RNF216: variants seen among roughly 807,000 people sequenced by gnomAD.
RNF216 encodes E3 ubiquitin-protein ligase RNF216.
In RNF216, 72 loss-of-function variants were observed where a neutral mutation model predicts 110.8. The observed-to-expected ratio is 0.65, with a 90% CI of 0.54 to 0.79. RNF216 has a LOEUF of 0.79. RNF216 is among the 30% of genes least tolerant of loss of function. The pLI is 0.00. For missense variants in RNF216, 1,342 were observed against 1,141.2 expected, an observed-to-expected ratio of 1.18 and a Z score of -2.54; for synonymous variants, 495 against 407.5, an observed-to-expected ratio of 1.21 and a Z score of -2.59.
At chr7:5,625,870 C>T (rs1439809983) in intron 15 of RNF216, among the ~76,000 whole-genome samples, 1 of 152,252 alleles carries the variant, frequency 6.6e-6, no homozygotes, top group Non-Finnish European at 1.5e-5. Context: ...AATTCTCCTA[C>T]ATTCTCTAGG....
intron 13 of RNF216, among the ~76,000 whole-genome samples, chr7:5,702,104 C>G (rs1562406610): frequency 6.6e-6 from 1 of 152,200 alleles, no homozygotes; most frequent in Non-Finnish European, 1.5e-5. Flanking sequence ...TGACTCTAGA[C>G]TTCCTTGGCT....
intron 1 of RNF216, among the ~76,000 whole-genome samples, chr7:5,761,640 G>T (rs549558236): frequency 2.0e-5 from 3 of 152,242 alleles, no homozygotes; most frequent in Admixed American, 2.0e-4. Context: ...ACAAAAATTA[G>T]CTGGGCGTGG....
intron 2 of RNF216, among the ~76,000 whole-genome samples, chr7:5,757,050 A>G (rs150842751): frequency 1.8e-4 from 28 of 152,314 alleles, no homozygotes; most frequent in African/African-American, 6.0e-4. Flanking sequence ...GTAATTCAAA[A>G]TATCTTCTAA....
chr7:5,638,450 G>A (rs1202813166), intron 15 of RNF216, among the ~76,000 whole-genome samples: 1 of 152,056 alleles, frequency 6.6e-6, no homozygotes, highest in Non-Finnish European at 1.5e-5. Context: ...TCAAGTACAC[G>A]CACTACATCT....
In RNF216 at chr7:5,622,684, T is replaced by A. The variant is rs1018593468; in HGVS notation, c.*176A>T. The A allele has an allele frequency of 6.6e-5, 42 of 640,218 alleles. No individual in the cohort carries two copies. The highest frequency in any genetic ancestry group is 1.1e-4 in the Non-Finnish European group (41 of 372,272). The allele number at this position is 640,218 out of a possible 1,614,324, so 39.7% of individuals were successfully genotyped here. On this transcript the variant is annotated 3_prime_UTR_variant, in exon 17 of 17. Coordinates refer to ENST00000389902, the MANE Select transcript of RNF216 (RefSeq NM_207111.4). ...CCATTTGGGACGTCTTTATTATGGATCCGTCCACTCTTCCAGGAGCAGTAG... is the reference window on the plus strand; with the variant it reads ...CCATTTGGGACGTCTTTATTATGGAACCGTCCACTCTTCCAGGAGCAGTAG...
rs973220090 is a variant in RNF216, at chr7:5,714,945, G to A, written c.1833+108C>T. On this transcript the variant is annotated intron_variant, in intron 11 of 16. Coordinates refer to ENST00000389902, the MANE Select transcript of RNF216 (RefSeq NM_207111.4). ...TAATGTACACATAAGCATACCAGCA[G>A]AACTCCACCTCACCCTCAAAGAGGC... is the stretch of plus-strand genomic sequence containing the variant. 14 of 988,710 alleles carry A rather than the reference G, an allele frequency of 1.4e-5. 1 individual carries two copies. The South Asian group carries it at 2.2e-4, about 16-fold the overall frequency. The allele number at this position is 988,710 out of a possible 1,614,324, so 61.2% of individuals were successfully genotyped here.
intron 1 of RNF216, among the ~76,000 whole-genome samples, chr7:5,762,651 C>T (rs1453889155): frequency 2.0e-5 from 3 of 151,756 alleles, no homozygotes; most frequent in Non-Finnish European, 4.4e-5. Context: ...GAGATCACAC[C>T]ACTGCACTCC....
chr7:5,629,926 G>A (rs1246073978), intron 15 of RNF216, among the ~76,000 whole-genome samples: 1 of 152,052 alleles, frequency 6.6e-6, no homozygotes, highest in African/African-American at 2.4e-5. Context: ...CTTGGACTTG[G>A]GATAAGTGAC....
chr7:5,682,917 T>C (rs1428866485), intron 13 of RNF216, among the ~76,000 whole-genome samples: 1 of 152,078 alleles, frequency 6.6e-6, no homozygotes, highest in Admixed American at 6.5e-5. Context: ...TAATGTAGCA[T>C]CAAAACCAGA....
At chr7:5,659,597 A>T (rs1788971848) in intron 13 of RNF216, among the ~76,000 whole-genome samples, 2 of 152,192 alleles carry the variant, frequency 1.3e-5, no homozygotes, top group Admixed American at 6.5e-5. Flanking sequence ...ATTTCAAAAG[A>T]TTCTTCTGGC....
intron 1 of RNF216, among the ~76,000 whole-genome samples, chr7:5,774,543 T>A (rs1796671069): frequency 6.6e-6 from 1 of 152,252 alleles, no homozygotes; most frequent in South Asian, 2.1e-4. Flanking sequence ...AGTGTGACAT[T>A]GTGCTATTTT....
intron 6 of RNF216, among the ~76,000 whole-genome samples, chr7:5,729,805 C>A (rs1793981410): frequency 6.6e-6 from 1 of 152,192 alleles, no homozygotes; most frequent in Non-Finnish European, 1.5e-5. Context: ...AGTTTTACTA[C>A]TAAAGAAGTA....
At position 5,741,487 on chromosome 7, in the gene RNF216, T is replaced by G; in HGVS notation, c.530A>C (p.Lys177Thr). ...GCTACCTTCTTCCAAGATGATGACT[T>G]TCTGCTCTGATCTGGGGTTGACAAT... ...NDIVNPRSEQ[K>T]VIILEEGSLL... is the part of the protein sequence containing the mutation. Residue 177 changes from lysine (K) to threonine (T), a missense_variant, in exon 4 of 17, where the codon AAA becomes ACA. Transcript: ENST00000389902. 1 of 1,614,226 alleles carries G rather than the reference T, an allele frequency of 6.2e-7. No homozygotes were observed. Among genetic ancestry groups the G allele is most frequent in the Non-Finnish European group, 8.5e-7 (1 of 1,180,050 alleles).
intron 13 of RNF216, among the ~76,000 whole-genome samples, chr7:5,654,183 T>C (rs1053456831): frequency 1.3e-5 from 2 of 151,968 alleles, no homozygotes; most frequent in Non-Finnish European, 2.9e-5. Flanking sequence ...CAAGGACAGG[T>C]AGAAAAGGGG....
chr7:5,717,968 C>A (rs572058975), intron 9 of RNF216, among the ~76,000 whole-genome samples: 1 of 152,120 alleles, frequency 6.6e-6, no homozygotes, highest in Non-Finnish European at 1.5e-5. Context: ...GTAATCCCAG[C>A]TACTTGGTCT....
intron 13 of RNF216, among the ~76,000 whole-genome samples, chr7:5,670,409 G>A (rs958983726): frequency 1.3e-5 from 2 of 152,172 alleles, no homozygotes; most frequent in Non-Finnish European, 2.9e-5. Flanking sequence ...GCCAAAAGGA[G>A]ACACCCAGAA....
intron 13 of RNF216, among the ~76,000 whole-genome samples, chr7:5,675,296 C>T (rs1041577193): frequency 2.0e-5 from 3 of 152,146 alleles, no homozygotes; most frequent in African/African-American, 7.2e-5. Flanking sequence ...GAATTAGAAG[C>T]CCCAGAGGGG....
chr7:5,686,625 T>C (rs1192860621), intron 13 of RNF216, among the ~76,000 whole-genome samples: 1 of 152,216 alleles, frequency 6.6e-6, no homozygotes, highest in African/African-American at 2.4e-5. Flanking sequence ...TTGTCAACTA[T>C]TTCTTTAAAT....
intron 13 of RNF216, among the ~76,000 whole-genome samples, chr7:5,679,037 T>A (rs1484297009): frequency 6.6e-6 from 1 of 152,158 alleles, no homozygotes; most frequent in Non-Finnish European, 1.5e-5. Flanking sequence ...TTGAGTAAAG[T>A]TGTAAAATTT....
Sources: allele counts gnomAD v4.1 joint callset (sites outside exome capture counted in the v4.1 genomes callset), GRCh38; gene constraint gnomAD v4.1.1; transcripts MANE v1.5; gene names NCBI Gene and HGNC (gene_info 2026-07-23, HGNC 2026-07-21).